Variants in MYL11 observed in about 807,000 individuals in gnomAD.
MYL11 encodes the protein myosin regulatory light chain 11.
At chr16:30,376,191 A>G in the MYL11 span, 104 of 1,614,072 alleles carry the variant, frequency 6.4e-5, no homozygotes, top group East Asian at 2.2e-3. Context: ...ATAGACAAGG[A>G]GGACCTTCGG....
chr16:30,374,124 G>A, the MYL11 span, among the ~76,000 whole-genome samples: 5 of 151,880 alleles, frequency 3.3e-5, no homozygotes, highest in East Asian at 3.9e-4. Flanking sequence ...CACTCTGGCC[G>A]ACACGGTGAA....
At chr16:30,371,186 C>A in the MYL11 span, among the ~76,000 whole-genome samples, 1 of 152,190 alleles carries the variant, frequency 6.6e-6, no homozygotes, top group African/African-American at 2.4e-5. Context: ...CAGGGATAGT[C>A]GGTGACAACC....
chr16:30,371,829 C>T, the MYL11 span, among the ~76,000 whole-genome samples: 1 of 152,138 alleles, frequency 6.6e-6, no homozygotes, highest in Non-Finnish European at 1.5e-5. Context: ...CATGAGCGCT[C>T]CAGGTTGTCC....
chr16:30,374,027 C>CG, the MYL11 span, among the ~76,000 whole-genome samples: 1 of 151,644 alleles, frequency 6.6e-6, no homozygotes, highest in Non-Finnish European at 1.5e-5. Flanking sequence ...AAAATAGAGA[C>CG]GGGGGCCAGG....
chr16:30,371,525 A>G, the MYL11 span, among the ~76,000 whole-genome samples: 2 of 151,862 alleles, frequency 1.3e-5, no homozygotes, highest in African/African-American at 4.8e-5. Context: ...TGCTTCACCC[A>G]TTTCCTGCGG....
chr16:30,376,833 G>C, the MYL11 span: 2 of 818,892 alleles, frequency 2.4e-6, no homozygotes, highest in Non-Finnish European at 3.9e-6. Flanking sequence ...TTGGGAGGCA[G>C]AGGCAGGAGG....
At chr16:30,377,888 G>A in the MYL11 span, 5 of 1,611,448 alleles carry the variant, frequency 3.1e-6, no homozygotes, top group Non-Finnish European at 4.2e-6. Flanking sequence ...GCGACGCCAA[G>A]GACCAGGAGT....
chr16:30,373,616 G>C, the MYL11 span, among the ~76,000 whole-genome samples: 1 of 149,592 alleles, frequency 6.7e-6, no homozygotes, highest in Non-Finnish European at 1.5e-5. Flanking sequence ...AAAAAAAGTA[G>C]CTGGGCATGG....
At chr16:30,376,387 C>G in the MYL11 span, 8 of 1,591,440 alleles carry the variant, frequency 5.0e-6, no homozygotes, top group African/African-American at 1.3e-5. Context: ...GCCCCAGGAG[C>G]CTGCTCCAGC....
At chr16:30,372,271 C>T in the MYL11 span, 1 of 152,572 alleles carries the variant, frequency 6.6e-6, no homozygotes, top group Non-Finnish European at 1.5e-5. Context: ...AGGCTAAGGG[C>T]AGCTGCTAAG....
At chr16:30,377,797 T>G in the MYL11 span, 2 of 1,613,850 alleles carry the variant, frequency 1.2e-6, no homozygotes, top group South Asian at 2.2e-5. Flanking sequence ...TTTCCCCAGA[T>G]CAAGAACATG....
At chr16:30,374,988 C>G in the MYL11 span, 1 of 1,247,396 alleles carries the variant, frequency 8.0e-7, no homozygotes. Context: ...TTCTCGGCAT[C>G]ACTGATGGAA....
the MYL11 span, among the ~76,000 whole-genome samples, chr16:30,374,274 C>T: frequency 2.0e-5 from 3 of 151,526 alleles, no homozygotes; most frequent in Non-Finnish European, 2.9e-5. Context: ...CGAGATCACA[C>T]TACTGGCACT....
chr16:30,377,792 C>T, the MYL11 span: 1,862 of 1,613,890 alleles, frequency 1.2e-3, 30 homozygotes, highest in African/African-American at 0.023. Context: ...ACGTCTTTCC[C>T]CAGATCAAGA....
chr16:30,375,848 T>C, the MYL11 span: 12 of 1,613,974 alleles, frequency 7.4e-6, no homozygotes, highest in South Asian at 1.2e-4. Flanking sequence ...AGAAGGACAG[T>C]AGAGGGCGGA....
chr16:30,371,649 T>C, the MYL11 span, among the ~76,000 whole-genome samples: 1 of 152,084 alleles, frequency 6.6e-6, no homozygotes, highest in African/African-American at 2.4e-5. Context: ...CCATTTCTTC[T>C]AGTGGGGATC....
chr16:30,375,735 G>A, the MYL11 span: 6 of 1,170,400 alleles, frequency 5.1e-6, no homozygotes, highest in Admixed American at 4.4e-5. Context: ...ACAGGGACTC[G>A]AAGAATTCTG....
the MYL11 span, chr16:30,375,855 CG>C: frequency 4.3e-6 from 7 of 1,614,060 alleles, no homozygotes; most frequent in Non-Finnish European, 5.9e-6. Flanking sequence ...CAGTAGAGGG[CG>C]GAAGCTCCAG....
At chr16:30,376,768 C>T in the MYL11 span, 1 of 1,464,520 alleles carries the variant, frequency 6.8e-7, no homozygotes, top group African/African-American at 1.4e-5. Flanking sequence ...CTGACAGCCT[C>T]CTTAAATTTC....
Sources: gnomAD v4.1 joint callset for allele counts (sites outside exome capture counted in the v4.1 genomes callset) on GRCh38, gnomAD v4.1.1 for gene constraint, MANE v1.5 for transcripts, NCBI Gene and HGNC (gene_info 2026-07-23, HGNC 2026-07-21) for gene names.